Variants in OTP observed in about 807,000 individuals in gnomAD.
OTP encodes the protein homeobox protein orthopedia.
In OTP, 5 loss-of-function variants were observed where a neutral mutation model predicts 22.3. That is an observed-to-expected ratio of 0.22 (90% CI 0.12 to 0.47). The LOEUF is 0.47. Among genes scored for constraint, OTP ranks in the 20% least tolerant of loss-of-function variants. The probability of loss-of-function intolerance (pLI) is 0.99; values close to 1 mark genes in which losing one functional copy is unlikely to be tolerated. For missense variants in OTP, 428 were observed against 456.2 expected (o/e 0.94, Z 0.56); for synonymous variants, 229 against 210.6 (o/e 1.09, Z -0.76).
chr5:77,630,923 G>T (rs77572607), intron 2 of OTP, 129 bp from the exon 3 acceptor site: 1 of 1,070,946 alleles, frequency 9.3e-7, no homozygotes, highest in Admixed American at 3.1e-5. Flanking sequence ...AAGTGCCGTA[G>T]GCCCGACAAG....
In OTP at chr5:77,638,578, C is replaced by T. The variant is rs572426041; in HGVS notation, c.-29G>A. ...GCACCGCTCCAGGGCGAAAGCTGTT[C>T]CCCCCCAAATTTTAGCGGCTTTAAG... On this transcript the variant is annotated 5_prime_UTR_variant, in exon 1 of 3. Coordinates refer to ENST00000306422, the MANE Select transcript of OTP (RefSeq NM_032109.3). 16 of 1,544,898 alleles carry T rather than the reference C, an allele frequency of 1.0e-5. No homozygotes were observed. In the African/African-American group the frequency reaches 1.5e-4, roughly 15 times the overall value.
In OTP at chr5:77,630,368, G is replaced by T; in HGVS notation, c.874C>A (p.Gln292Lys). 1 of 1,576,526 alleles carries T rather than the reference G, an allele frequency of 6.3e-7. No individual in the cohort carries two copies. Reference protein sequence around the residue: ...PGPSNVSGSPQLCSSPDSSDV... With the variant: ...PGPSNVSGSPKLCSSPDSSDV... ...CTGCTGTCCGGGGAGCTGCAGAGCT[G>T]GGGCGAACCGGAGACGTTGCTGGGG... Residue 292 changes from glutamine (Q) to lysine (K), a missense_variant, in exon 3 of 3, where the codon CAG becomes AAG. This residue lies in a region of OTP where 236 missense variants were observed against 238.1 expected (regional missense o/e 0.99). Transcript: ENST00000306422.
intron 1 of OTP, 22 bp from the exon 2 acceptor site, chr5:77,637,252 G>T (rs538236981): frequency 4.8e-6 from 7 of 1,470,724 alleles, no homozygotes; most frequent in East Asian, 4.9e-5. Context: ...AGGGGATCGC[G>T]GTCACTACTT....
intron 1 of OTP, among the ~76,000 whole-genome samples, chr5:77,638,143 A>G (rs368214406): frequency 6.7e-6 from 1 of 148,960 alleles, no homozygotes; most frequent in Non-Finnish European, 1.5e-5. Context: ...GGAGAGAGAA[A>G]CGGGGGGAGG....
chr5:77,638,559 C>T lies in OTP; in HGVS notation c.-10G>A, dbSNP rs754504554. On this transcript the variant is annotated 5_prime_UTR_variant, in exon 1 of 3. Transcript: ENST00000306422. ...CGGCATGAGACAGCATCGCGCACCG[C>T]TCCAGGGCGAAAGCTGTTCCCCCCC... is the stretch of plus-strand genomic sequence containing the variant. 2 of 1,560,894 alleles carry T rather than the reference C, an allele frequency of 1.3e-6. No homozygotes were observed. The highest frequency in any genetic ancestry group is 8.6e-7 in the Non-Finnish European group (1 of 1,158,504).
chr5:77,638,670 A>G lies in OTP; in HGVS notation c.-121T>C. The G allele has an allele frequency of 2.0e-6, 2 of 993,226 alleles. No individual in the cohort carries two copies. Among genetic ancestry groups the G allele is most frequent in the Non-Finnish European group, 2.8e-6 (2 of 718,944 alleles). 61.5% of individuals were successfully genotyped at this position (993,226 alleles called of 1,614,324 possible). A position where few individuals can be genotyped will look rare whatever the true frequency, so the allele number is the denominator to read the frequency against. ...TATATATAGATCACCTAAATGAAAG[A>G]AAATTCGGTTTGTGGTTAAAAAGGG... On this transcript the variant is annotated 5_prime_UTR_variant, in exon 1 of 3. Coordinates refer to ENST00000306422, the MANE Select transcript of OTP (RefSeq NM_032109.3).
rs770280910 is a variant in OTP, at chr5:77,637,003, C to T, written c.265G>A (p.Gly89Ser). The T allele has an allele frequency of 3.1e-6, 5 of 1,613,402 alleles. No homozygotes were observed. Among genetic ancestry groups the T allele is most frequent in the South Asian group, 1.1e-5 (1 of 91,032 alleles). ...DPDKQPGPQGGPNPSQAGQQQ... is the reference protein window; with the variant it reads ...DPDKQPGPQGSPNPSQAGQQQ... Reference sequence around the variant, plus strand: ...TGGCCGGCTTGGCTGGGGTTCGGGCCGCCCTGGGGCCCGGGCTGCTTGTCC... The same window carrying T: ...TGGCCGGCTTGGCTGGGGTTCGGGCTGCCCTGGGGCCCGGGCTGCTTGTCC... Residue 89 changes from glycine to serine, a missense_variant, in exon 2 of 3, where the codon GGC becomes AGC. Physicochemically the swap from Gly to Ser is moderately conservative, Grantham distance 56 (BLOSUM62 0). This residue lies in a region of OTP where 176 missense variants were observed against 162.9 expected (regional missense o/e 1.08). Coordinates refer to ENST00000306422, the MANE Select transcript of OTP (RefSeq NM_032109.3).
chr5:77,638,370 T>G, intron 1 of OTP, 143 bp downstream of exon 1: 1 of 790,090 alleles, frequency 1.3e-6, no homozygotes, highest in Non-Finnish European at 2.1e-6. Flanking sequence ...AAGGCGATGT[T>G]AAATCAAATT....
At chr5:77,630,855 T>C (rs996240966) in intron 2 of OTP, 61 bp from the exon 3 acceptor site, 150 of 1,460,128 alleles carry the variant, frequency 1.0e-4, no homozygotes, top group Non-Finnish European at 1.3e-4. Context: ...GGCTGGGGAG[T>C]TGGGGCTTGA....
In OTP at chr5:77,630,127, A is replaced by C. The variant is rs1744901051; in HGVS notation, c.*137T>G. 2 of 377,560 alleles carry C rather than the reference A, an allele frequency of 5.3e-6. No homozygotes were observed. Among genetic ancestry groups the C allele is most frequent in the Non-Finnish European group, 8.2e-6 (2 of 243,000 alleles). The allele number at this position is 377,560 out of a possible 1,614,324, so 23.4% of individuals were successfully genotyped here. On this transcript the variant is annotated 3_prime_UTR_variant, in exon 3 of 3. Transcript: ENST00000306422. ...GTGAGCCCGAGCGAGTGGAGGAGAGAGGCGAGGACGAAACGAGACGGGGCG... is the reference window on the plus strand; with the variant it reads ...GTGAGCCCGAGCGAGTGGAGGAGAGCGGCGAGGACGAAACGAGACGGGGCG...
chr5:77,632,372 G>T lies in OTP; in HGVS notation c.448-1578C>A, dbSNP rs146769412. On this transcript the variant is annotated intron_variant, in intron 2 of 2. Coordinates refer to ENST00000306422, the MANE Select transcript of OTP (RefSeq NM_032109.3). ...GCGTTTACTGTGCCTAAATATAAAT[G>T]ATGTAGGACAAGCCCAGGTACTGAG... 2.0e-4 allele frequency among the ~76,000 whole-genome samples: 31 copies of T among 152,344 alleles called. No homozygotes were observed. The East Asian group carries it at 5.8e-3, about 28-fold the overall frequency.
rs1744902470 is a variant in OTP at position 77,630,188 on chromosome 5, C to G, written c.*76G>C. The G allele has an allele frequency of 2.9e-6, 3 of 1,033,386 alleles. No individual in the cohort carries two copies. Among genetic ancestry groups the G allele is most frequent in the Non-Finnish European group, 3.8e-6 (3 of 798,536 alleles). 64.0% of individuals were successfully genotyped at this position (1,033,386 alleles called of 1,614,324 possible). A position where few individuals can be genotyped will look rare whatever the true frequency, so the allele number is the denominator to read the frequency against. ...CGGGACGGGGCAGGGCGCCGGGGTCCGGGTGCGCGCCGGAAGGGCCTCGGG... is the reference window on the plus strand; with the variant it reads ...CGGGACGGGGCAGGGCGCCGGGGTCGGGGTGCGCGCCGGAAGGGCCTCGGG... On this transcript the variant is annotated 3_prime_UTR_variant, in exon 3 of 3. Transcript: ENST00000306422.
In OTP at chr5:77,637,137, TC is replaced by T; in HGVS notation, c.130del (p.Asp44ThrfsTer32). On this transcript the variant is annotated frameshift_variant, in exon 2 of 3. Transcript: ENST00000306422. LOFTEE classifies it high-confidence loss of function. Reference sequence around the variant, plus strand: ...CACTGGGTCAGAGTTGGGCGCCAGGTCCCCCGGATGGCCCCCGGGGTCGGAG... The same window carrying T: ...CACTGGGTCAGAGTTGGGCGCCAGGTCCCCGGATGGCCCCCGGGGTCGGAG... Reference protein sequence around the residue: ...GGSDPGGHPGDLAPNSDPVEG... With the variant: ...GGSDPGGHPGXLAPNSDPVEG... 6.2e-7 allele frequency: 1 copy of T among 1,602,558 alleles called. No individual in the cohort carries two copies. Among genetic ancestry groups the T allele is most frequent in the Non-Finnish European group, 8.5e-7 (1 of 1,174,628 alleles).
At position 77,637,170 on chromosome 5, in the gene OTP, A is replaced by G. The variant is rs775012563; in HGVS notation, c.98T>C (p.Val33Ala). 2 of 1,572,548 alleles carry G rather than the reference A, an allele frequency of 1.3e-6. No individual in the cohort carries two copies. The highest frequency in any genetic ancestry group is 1.9e-5 in the Admixed American group (1 of 53,146). ...HREAVKCRLG[V>A]GGSDPGGHPG... ...ATGGCCCCCGGGGTCGGAGCCCCCCACGCCCAGCCTACACTTCACCGCCTC... is the reference window on the plus strand; with the variant it reads ...ATGGCCCCCGGGGTCGGAGCCCCCCGCGCCCAGCCTACACTTCACCGCCTC... Residue 33 changes from valine to alanine, a missense_variant, in exon 2 of 3, where the codon GTG becomes GCG. By Grantham distance (64) the Val-to-Ala change is moderately conservative (BLOSUM62 0). Transcript: ENST00000306422.
chr5:77,636,982 C>T lies in OTP; in HGVS notation c.286G>A (p.Gly96Ser). Residue 96 changes from glycine (G) to serine (S), a missense_variant, in exon 2 of 3, where the codon GGC becomes AGC. By Grantham distance (56) the Gly-to-Ser change is moderately conservative (BLOSUM62 0). Around this residue, in one of 3 missense-constraint regions of OTP, gnomAD observed 176 missense variants for 162.9 expected, o/e 1.08. Coordinates refer to ENST00000306422, the MANE Select transcript of OTP (RefSeq NM_032109.3). ...PQGGPNPSQA[G>S]QQQGQQKQKR... Reference sequence around the variant, plus strand: ...TGCTTCTGTTGGCCCTGCTGCTGGCCGGCTTGGCTGGGGTTCGGGCCGCCC... The same window carrying T: ...TGCTTCTGTTGGCCCTGCTGCTGGCTGGCTTGGCTGGGGTTCGGGCCGCCC... 6.2e-7 allele frequency: 1 copy of T among 1,613,892 alleles called. No individual in the cohort carries two copies. The highest frequency in any genetic ancestry group is 1.1e-5 in the South Asian group (1 of 91,078).
intron 2 of OTP, among the ~76,000 whole-genome samples, chr5:77,634,538 C>T (rs1482549068): frequency 1.3e-5 from 2 of 152,150 alleles, no homozygotes; most frequent in South Asian, 2.1e-4. Context: ...TTTTAATCAG[C>T]GCAGTGGCCC....
Position 77,630,341 on chromosome 5 carries a change from C to T in OTP, c.901G>A (p.Asp301Asn). The change falls in exon 3 of 3, where the codon GAC becomes AAC. Residue 301 changes from aspartate to asparagine, a missense_variant. By Grantham distance (23) the Asp-to-Asn change is conservative (BLOSUM62 1). Transcript: ENST00000306422. Reference sequence around the variant, plus strand: ...GCGATGCTGGTGCCCCGCCACACGTCGCTGCTGTCCGGGGAGCTGCAGAGC... The same window carrying T: ...GCGATGCTGGTGCCCCGCCACACGTTGCTGCTGTCCGGGGAGCTGCAGAGC... ...PQLCSSPDSS[D>N]VWRGTSIASL... is the part of the protein sequence containing the mutation. 1.3e-6 allele frequency: 2 copies of T among 1,570,240 alleles called. No individual in the cohort carries two copies. The highest frequency in any genetic ancestry group is 1.7e-6 in the Non-Finnish European group (2 of 1,161,588).
chr5:77,630,029 G>C lies in OTP; in HGVS notation c.*235C>G, dbSNP rs1289253246. 7.9e-6 allele frequency: 2 copies of C among 252,888 alleles called. No homozygotes were observed. Among genetic ancestry groups the C allele is most frequent in the East Asian group, 8.2e-5 (1 of 12,198 alleles). 15.7% of individuals were successfully genotyped at this position (252,888 alleles called of 1,614,324 possible). A position where few individuals can be genotyped will look rare whatever the true frequency, so the allele number is the denominator to read the frequency against. On this transcript the variant is annotated 3_prime_UTR_variant, in exon 3 of 3. Coordinates refer to ENST00000306422, the MANE Select transcript of OTP (RefSeq NM_032109.3). ...CGCAGCTGGGTGGGAAGGGAAGAGG[G>C]GCGGCCGGGAGACGGGGGACCGCGG...
At chr5:77,638,455 A>G (rs1274618849) in intron 1 of OTP, 58 bp downstream of exon 1, 18 of 1,525,260 alleles carry the variant, frequency 1.2e-5, no homozygotes, top group Non-Finnish European at 1.5e-5. Flanking sequence ...TAAGGAACAA[A>G]TTGACAATTT....
Sources: gnomAD v4.1 joint callset for allele counts (sites outside exome capture counted in the v4.1 genomes callset) on GRCh38, gnomAD v4.1.1 for gene constraint, gnomAD v4.1.1 regional missense constraint, MANE v1.5 for transcripts, NCBI Gene and HGNC (gene_info 2026-07-23, HGNC 2026-07-21) for gene names.